The following EFR3B variants were observed in gnomAD, a reference collection of about 807,000 sequenced individuals.
EFR3B encodes EFR3 homolog B, also known as protein EFR3 homolog B.
Under a neutral mutation model 104.7 loss-of-function variants are expected in EFR3B, and 64 were observed. That is an observed-to-expected ratio of 0.61 (90% CI 0.50 to 0.75). EFR3B has a LOEUF of 0.75. EFR3B is among the 30% of genes least tolerant of loss of function. The probability of loss-of-function intolerance (pLI) is 0.00; values close to 1 mark genes in which losing one functional copy is unlikely to be tolerated. For synonymous variants in EFR3B, 385 were observed against 417.9 expected (o/e 0.92, Z 0.96); for missense variants, 750 against 1,078.5 (o/e 0.70, Z 4.27).
intron 1 of EFR3B, among the ~76,000 whole-genome samples, chr2:25,050,099 C>T (rs1667825922): frequency 1.3e-5 from 2 of 150,330 alleles, no homozygotes; most frequent in Admixed American, 6.6e-5. Context: ...CATTGCACAC[C>T]AGCCTGGGCA....
At chr2:25,043,321 G>A (rs1210432513) in intron 1 of EFR3B, among the ~76,000 whole-genome samples, 2 of 152,160 alleles carry the variant, frequency 1.3e-5, no homozygotes, top group African/African-American at 2.4e-5. Context: ...GCACTTGAGG[G>A]GTCAGTGTTT....
At chr2:25,053,901 C>T (rs1425609957) in intron 1 of EFR3B, among the ~76,000 whole-genome samples, 1 of 152,114 alleles carries the variant, frequency 6.6e-6, no homozygotes, top group Non-Finnish European at 1.5e-5. Flanking sequence ...AGCGAGACTC[C>T]GTCAAACAAA....
intron 3 of EFR3B, among the ~76,000 whole-genome samples, chr2:25,098,043 C>T (rs1669331726): frequency 6.6e-6 from 1 of 152,098 alleles, no homozygotes; most frequent in East Asian, 1.9e-4. Flanking sequence ...ACACATTCAC[C>T]AGAAGGACCC....
At chr2:25,084,247 A>T (rs1230524536) in intron 1 of EFR3B, among the ~76,000 whole-genome samples, 2 of 151,220 alleles carry the variant, frequency 1.3e-5, no homozygotes, top group Non-Finnish European at 2.9e-5. Flanking sequence ...TTATTTATTT[A>T]TTTTTTTGAG....
intron 1 of EFR3B, among the ~76,000 whole-genome samples, chr2:25,050,644 T>C (rs757405689): frequency 2.4e-4 from 37 of 151,842 alleles, no homozygotes; most frequent in Admixed American, 7.9e-4. Flanking sequence ...CATAAAGAGA[T>C]CAAAGCAAAG....
chr2:25,126,546 G>C (rs947290657), intron 5 of EFR3B, among the ~76,000 whole-genome samples: 1 of 152,058 alleles, frequency 6.6e-6, no homozygotes, highest in African/African-American at 2.4e-5. Context: ...TGTTAGTAGA[G>C]ACGGGGTTTC....
Position 25,132,878 on chromosome 2 carries a change from G to A in EFR3B, c.1148-25G>A, listed in dbSNP as rs1406449515. Reference sequence around the variant, plus strand: ...GGCCCTGGAGCCTGTGCCTCACTGGGCACCCTCTCCGCCACCTCCTGCAGG... The same window carrying A: ...GGCCCTGGAGCCTGTGCCTCACTGGACACCCTCTCCGCCACCTCCTGCAGG... On this transcript the variant is annotated intron_variant, in intron 10 of 22. Transcript: ENST00000403714. The A allele has an allele frequency of 8.4e-6, 13 of 1,543,828 alleles. No individual in the cohort carries two copies. The South Asian group carries it at 1.2e-4, about 14-fold the overall frequency.
chr2:25,065,869 C>T (rs1231626461), intron 1 of EFR3B, among the ~76,000 whole-genome samples: 1 of 152,096 alleles, frequency 6.6e-6, no homozygotes, highest in Non-Finnish European at 1.5e-5. Flanking sequence ...GGAGGCTCTT[C>T]CTGACACCCT....
At chr2:25,082,188 G>T (rs947272976) in intron 1 of EFR3B, among the ~76,000 whole-genome samples, 2 of 152,214 alleles carry the variant, frequency 1.3e-5, no homozygotes, top group Non-Finnish European at 2.9e-5. Context: ...GCTGTGTGCT[G>T]GAATTGTGGT....
intron 4 of EFR3B, among the ~76,000 whole-genome samples, chr2:25,111,323 T>C (rs937950718): frequency 2.0e-5 from 3 of 151,948 alleles, no homozygotes; most frequent in East Asian, 1.9e-4. Flanking sequence ...TTGCCCCTCA[T>C]GTTTTTATCT....
intron 1 of EFR3B, among the ~76,000 whole-genome samples, chr2:25,061,601 C>T (rs1019437363): frequency 2.0e-5 from 3 of 151,846 alleles, no homozygotes; most frequent in Admixed American, 1.3e-4. Context: ...TCAAGTGATT[C>T]TCCTGTGTCA....
chr2:25,090,288 G>A (rs750216213), intron 1 of EFR3B, among the ~76,000 whole-genome samples: 1 of 152,206 alleles, frequency 6.6e-6, no homozygotes, highest in Non-Finnish European at 1.5e-5. Context: ...CTCCATGCCC[G>A]CCCGCCCCCT....
chr2:25,133,134 A>C, intron 11 of EFR3B, 120 bp downstream of exon 11: 1 of 992,916 alleles, frequency 1.0e-6, no homozygotes, highest in Non-Finnish European at 1.5e-6. Flanking sequence ...TTACTCCCAA[A>C]TCCCTCAGCA....
At chr2:25,129,952 C>T (rs1670283262) in intron 6 of EFR3B, 23 bp from the exon 7 acceptor site, 1 of 1,550,570 alleles carries the variant, frequency 6.4e-7, no homozygotes, top group South Asian at 1.2e-5. Context: ...CCACCCTCTA[C>T]CCATGTGCCT....
chr2:25,060,740 G>A (rs935011222), intron 1 of EFR3B, among the ~76,000 whole-genome samples: 11 of 151,898 alleles, frequency 7.2e-5, no homozygotes, highest in African/African-American at 2.4e-4. Context: ...CTAACACAGC[G>A]AAACCCCGTC....
chr2:25,103,930 G>A, intron 4 of EFR3B, 143 bp downstream of exon 4: 1 of 934,532 alleles, frequency 1.1e-6, no homozygotes, highest in Admixed American at 3.0e-5. Context: ...CTTGTTTTAG[G>A]GTCTCCCTTT....
At chr2:25,056,968 C>T (rs918696072) in intron 1 of EFR3B, among the ~76,000 whole-genome samples, 1 of 152,178 alleles carries the variant, frequency 6.6e-6, no homozygotes, top group African/African-American at 2.4e-5. Flanking sequence ...GTTTCACCAT[C>T]CGTAAACTGG....
chr2:25,098,304 G>T (rs781245085), intron 3 of EFR3B, among the ~76,000 whole-genome samples: 1 of 152,128 alleles, frequency 6.6e-6, no homozygotes, highest in Non-Finnish European at 1.5e-5. Flanking sequence ...TACTAAAGCT[G>T]CCTCCCTCAT....
At position 25,106,334 on chromosome 2, in the gene EFR3B, G is replaced by A. The variant is rs1181654879; in HGVS notation, c.363+2547G>A. ...AGGCAGAGCCTCGCTGTGTCACCCC[G>A]GATGGAGTGCACTGGCATGATCTCG... On this transcript the variant is annotated intron_variant, in intron 4 of 22. Coordinates refer to ENST00000403714, the MANE Select transcript of EFR3B (RefSeq NM_014971.2). 3.9e-5 allele frequency among the ~76,000 whole-genome samples: 6 copies of A among 151,960 alleles called. No homozygotes were observed. In the South Asian group the frequency reaches 8.4e-4, roughly 21 times the overall value.
Sources: allele counts gnomAD v4.1 joint callset (sites outside exome capture counted in the v4.1 genomes callset), GRCh38; gene constraint gnomAD v4.1.1; transcripts MANE v1.5; gene names NCBI Gene and HGNC (gene_info 2026-07-23, HGNC 2026-07-21).